The following DLGAP2 variants were observed in gnomAD, a reference collection of about 807,000 sequenced individuals.
The protein encoded by DLGAP2 is DLG associated protein 2.
In DLGAP2, 26 loss-of-function variants were observed where a neutral mutation model predicts 100.3. The ratio of observed to expected loss-of-function variants is 0.26; its 90% confidence interval spans 0.19 to 0.36. DLGAP2 has a LOEUF of 0.36. DLGAP2 is among the 10% of genes least tolerant of loss of function. The pLI is 1.00. For synonymous variants in DLGAP2, 886 were observed against 630.1 expected, an observed-to-expected ratio of 1.41 and a Z score of -6.08; for missense variants, 1,858 against 1,453.2, an observed-to-expected ratio of 1.28 and a Z score of -4.53.
At chr8:1,414,963 C>T (rs1296373711) in intron 3 of DLGAP2, among the ~76,000 whole-genome samples, 2 of 152,016 alleles carry the variant, frequency 1.3e-5, no homozygotes, top group African/African-American at 4.8e-5. Flanking sequence ...GAGCTGAGGT[C>T]ATGCCCCTGC....
chr8:1,011,469 G>T (rs1204734028), intron 2 of DLGAP2, among the ~76,000 whole-genome samples: 1 of 150,314 alleles, frequency 6.7e-6, no homozygotes, highest in South Asian at 2.1e-4. Flanking sequence ...GGAATGGGGG[G>T]TCTCAGTCTG....
At chr8:1,125,364 T>C (rs1351405749) in intron 2 of DLGAP2, among the ~76,000 whole-genome samples, 2 of 152,234 alleles carry the variant, frequency 1.3e-5, no homozygotes, top group African/African-American at 4.8e-5. Flanking sequence ...TGATCAAATT[T>C]TTTTTATGGA....
At chr8:1,165,863 A>C (rs916427245) in intron 2 of DLGAP2, among the ~76,000 whole-genome samples, 1 of 152,070 alleles carries the variant, frequency 6.6e-6, no homozygotes, top group South Asian at 2.1e-4. Flanking sequence ...TAAGGGAAAA[A>C]AAAAACATTC....
intron 2 of DLGAP2, among the ~76,000 whole-genome samples, chr8:1,104,520 G>C (rs1804690119): frequency 1.3e-5 from 2 of 152,218 alleles, no homozygotes; most frequent in Admixed American, 1.3e-4. Context: ...AGAGGGACTT[G>C]AACTCTTGAC....
Position 1,348,059 on chromosome 8 carries a change from G to A in DLGAP2, c.106+89176G>A, listed in dbSNP as rs35032037. Among the ~76,000 whole-genome samples the A allele has an allele frequency of 1.1e-3, 131 of 117,218 alleles. 1 individual carries two copies. The highest frequency in any genetic ancestry group is 8.0e-3 in the Admixed American group (87 of 10,920). The allele number at this position is 117,218 out of a possible 152,430, so 76.9% of individuals were successfully genotyped here. On this transcript the variant is annotated intron_variant, in intron 3 of 14. Transcript: ENST00000637795. ...AGGTTGAGTTCCCACACAGAGCTGC[G>A]CTGCTCTCATGGTAACTGTCTGGAG... is the stretch of plus-strand genomic sequence containing the variant.
rs1362584264 is a variant in DLGAP2, at chr8:1,703,785, T to G, written c.*2379T>G. ...GGTTGATTTCTTATGTTTTGTAGAC[T>G]CATTGTTATTTTTCAATCCCCAAAA... is the stretch of plus-strand genomic sequence containing the variant. On this transcript the variant is annotated 3_prime_UTR_variant, in exon 15 of 15. Transcript: ENST00000637795. 6.6e-6 allele frequency: 1 copy of G among 152,526 alleles called. No individual in the cohort carries two copies. Among genetic ancestry groups the G allele is most frequent in the African/African-American group, 2.4e-5 (1 of 41,450 alleles). 9.4% of individuals were successfully genotyped at this position (152,526 alleles called of 1,614,324 possible).
chr8:767,955 A>G (rs922517298), intron 1 of DLGAP2, among the ~76,000 whole-genome samples: 1 of 152,210 alleles, frequency 6.6e-6, no homozygotes, highest in Non-Finnish European at 1.5e-5. Flanking sequence ...TTTACAATGT[A>G]AGAAGTAACC....
rs76598346 is a variant in DLGAP2 at position 1,267,800 on chromosome 8, C to G, written c.106+8917C>G. ...TGTCTGTTGGGGCAGAATGTTTGTC[C>G]CACGCTGAGCTCAGTGCTGGTTCTA... On this transcript the variant is annotated intron_variant, in intron 3 of 14. Transcript: ENST00000637795. 1.5e-3 allele frequency among the ~76,000 whole-genome samples: 222 copies of G among 151,942 alleles called. 1 individual carries two copies. The highest frequency in any genetic ancestry group is 5.2e-3 in the African/African-American group (215 of 41,410).
Position 1,490,821 on chromosome 8 carries a change from A to T in DLGAP2, c.107-10545A>T, listed in dbSNP as rs150933080. Among the ~76,000 whole-genome samples the T allele has an allele frequency of 5.7e-3, 872 of 151,798 alleles. 7 individuals are homozygous for T. Among genetic ancestry groups the T allele is most frequent in the African/African-American group, 0.02 (825 of 41,368 alleles). On this transcript the variant is annotated intron_variant, in intron 3 of 14. Transcript: ENST00000637795. ...TAGGGAGGCAAGATTTAGCCAATGA[A>T]ATTGAGAACACATGGACACAGGAAG...
intron 4 of DLGAP2, among the ~76,000 whole-genome samples, chr8:1,532,594 A>G (rs1261060057): frequency 6.6e-6 from 1 of 152,244 alleles, no homozygotes; most frequent in Admixed American, 6.5e-5. Flanking sequence ...ATGCCCTCAA[A>G]TAATCAATTC....
intron 3 of DLGAP2, among the ~76,000 whole-genome samples, chr8:1,334,809 G>T (rs988638175): frequency 2.0e-5 from 3 of 151,510 alleles, no homozygotes; most frequent in African/African-American, 2.4e-5. Context: ...GTGTTGACAC[G>T]CTGTAAAGGA....
intron 3 of DLGAP2, among the ~76,000 whole-genome samples, chr8:1,389,906 C>T (rs759247882): frequency 1.1e-4 from 17 of 152,046 alleles, no homozygotes; most frequent in African/African-American, 1.2e-4. Context: ...AGCTAGCAGG[C>T]GTCCCACAGA....
intron 2 of DLGAP2, among the ~76,000 whole-genome samples, chr8:1,207,378 C>G (rs1798018817): frequency 6.6e-6 from 1 of 152,216 alleles, no homozygotes; most frequent in Non-Finnish European, 1.5e-5. Context: ...TGGTCTCCAA[C>G]TCCATCCAGG....
At chr8:804,274 C>T (rs935920204) in intron 1 of DLGAP2, among the ~76,000 whole-genome samples, 8 of 152,138 alleles carry the variant, frequency 5.3e-5, no homozygotes. Context: ...TTTAAGGAGA[C>T]TGTTTTCGTC....
intron 1 of DLGAP2, among the ~76,000 whole-genome samples, chr8:766,997 C>T (rs1357946168): frequency 2.6e-5 from 4 of 152,148 alleles, no homozygotes; most frequent in Non-Finnish European, 4.4e-5. Context: ...TGGCGTCAGG[C>T]GCCCATGAGA....
intron 3 of DLGAP2, among the ~76,000 whole-genome samples, chr8:1,368,407 G>A (rs1212717483): frequency 1.3e-5 from 2 of 152,130 alleles, no homozygotes; most frequent in Non-Finnish European, 2.9e-5. Flanking sequence ...ATGTGTGTGT[G>A]CATGTATGTA....
chr8:834,737 A>T (rs1224345027), intron 1 of DLGAP2, among the ~76,000 whole-genome samples: 1 of 152,176 alleles, frequency 6.6e-6, no homozygotes, highest in African/African-American at 2.4e-5. Flanking sequence ...TACCTGAGTG[A>T]CAGGATCCTA....
intron 3 of DLGAP2, chr8:1,302,248 C>CGGCATTTTCTGTGAGTTCCCG: frequency 6.8e-6 from 1 of 147,864 alleles, no homozygotes; most frequent in African/African-American, 2.6e-5. Flanking sequence ...GGACCGGACT[C>CGGCATTTTCTGTGAGTTCCCG]AGCATTTTCT....
At chr8:1,428,563 C>G (rs528263896) in intron 3 of DLGAP2, among the ~76,000 whole-genome samples, 7 of 152,116 alleles carry the variant, frequency 4.6e-5, no homozygotes, top group Non-Finnish European at 7.3e-5. Context: ...GTCAGATTGA[C>G]TGCTGGGAAC....
Sources: allele counts gnomAD v4.1 joint callset (sites outside exome capture counted in the v4.1 genomes callset), GRCh38; gene constraint gnomAD v4.1.1; transcripts MANE v1.5; gene names NCBI Gene and HGNC (gene_info 2026-07-23, HGNC 2026-07-21).